CNTN4: variants seen among roughly 807,000 people sequenced by gnomAD.
The protein encoded by CNTN4 is contactin-4.
CNTN4 carries 77 observed loss-of-function variants against 122.5 expected under a neutral mutation model. The ratio of observed to expected loss-of-function variants is 0.63; its 90% CI spans 0.52 to 0.76. The LOEUF is 0.76. CNTN4 is among the 30% of genes least tolerant of loss of function. The pLI, the probability that CNTN4 is intolerant of heterozygous loss-of-function variation, is 0.00. For missense variants in CNTN4, 1,256 were observed against 1,259.1 expected (o/e 1.00, Z 0.04); for synonymous variants, 512 against 447.0 (o/e 1.15, Z -1.83).
chr3:2,819,635 C>A, intron 7 of CNTN4, 54 bp downstream of exon 7: 2 of 1,261,552 alleles, frequency 1.6e-6, no homozygotes, highest in Non-Finnish European at 2.3e-6. Flanking sequence ...ATTTTTCTTC[C>A]TCAATGTTCT....
intron 7 of CNTN4, among the ~76,000 whole-genome samples, chr3:2,858,188 T>C (rs574698449): frequency 6.6e-6 from 1 of 152,214 alleles, no homozygotes; most frequent in African/African-American, 2.4e-5. Context: ...TTTCTCAGAG[T>C]GTGGTCTTCA....
At chr3:2,829,711 C>G (rs981459200) in intron 7 of CNTN4, among the ~76,000 whole-genome samples, 67 of 152,192 alleles carry the variant, frequency 4.4e-4, no homozygotes, top group African/African-American at 1.6e-3. Context: ...ATGTCAACAA[C>G]TATACACTTA....
At chr3:2,136,775 C>G (rs1264384075) in intron 2 of CNTN4, among the ~76,000 whole-genome samples, 1 of 151,616 alleles carries the variant, frequency 6.6e-6, no homozygotes, top group African/African-American at 2.4e-5. Flanking sequence ...ATTACAGATA[C>G]CACTCAAAAG....
chr3:2,545,623 T>C (rs1309665993), intron 3 of CNTN4, among the ~76,000 whole-genome samples: 7 of 152,004 alleles, frequency 4.6e-5, no homozygotes, highest in Non-Finnish European at 8.8e-5. Context: ...ATGCCTTTTT[T>C]TTTTTTTATC....
chr3:2,148,617 C>T (rs1209146107), intron 2 of CNTN4, among the ~76,000 whole-genome samples: 1 of 152,012 alleles, frequency 6.6e-6, no homozygotes, highest in African/African-American at 2.4e-5. Flanking sequence ...TACACTGTTT[C>T]TTGGGCAGTG....
intron 4 of CNTN4, among the ~76,000 whole-genome samples, chr3:2,731,554 A>G (rs745386252): frequency 2.2e-4 from 33 of 152,262 alleles, no homozygotes; most frequent in Admixed American, 1.8e-3. Flanking sequence ...GCTCTTGGCA[A>G]TCTTACTGCT....
At chr3:2,267,872 C>A (rs2041116136) in intron 2 of CNTN4, among the ~76,000 whole-genome samples, 2 of 151,708 alleles carry the variant, frequency 1.3e-5, no homozygotes, top group South Asian at 4.2e-4. Context: ...TTATATGTAA[C>A]AGTCCTTAAA....
chr3:2,100,309 A>G (rs1453180986), intron 1 of CNTN4, among the ~76,000 whole-genome samples: 6 of 152,138 alleles, frequency 3.9e-5, no homozygotes, highest in African/African-American at 1.2e-4. Flanking sequence ...AGCTCTTTCA[A>G]TTTTCTGTAG....
intron 2 of CNTN4, among the ~76,000 whole-genome samples, chr3:2,289,258 C>T (rs1034379540): frequency 1.1e-4 from 17 of 152,092 alleles, no homozygotes; most frequent in African/African-American, 3.1e-4. Flanking sequence ...GAGACCAGGT[C>T]CCCTAAAACC....
intron 13 of CNTN4, among the ~76,000 whole-genome samples, chr3:2,952,638 CTA>C (rs1255429029): frequency 1.3e-5 from 2 of 152,010 alleles, no homozygotes; most frequent in Non-Finnish European, 2.9e-5. Flanking sequence ...CATTTTCATT[CTA>C]TGTTTTTATT....
chr3:2,953,436 T>G (rs1302600924), intron 13 of CNTN4, among the ~76,000 whole-genome samples: 1 of 152,014 alleles, frequency 6.6e-6, no homozygotes, highest in Non-Finnish European at 1.5e-5. Context: ...CCCCTGGTTT[T>G]TTTTTTTTCT....
chr3:2,809,637 C>G (rs1172913635), intron 6 of CNTN4, among the ~76,000 whole-genome samples: 1 of 152,164 alleles, frequency 6.6e-6, no homozygotes, highest in East Asian at 1.9e-4. Flanking sequence ...CATTAACACT[C>G]CTGAGTCAGG....
chr3:2,446,789 G>T (rs2048641897), intron 3 of CNTN4, among the ~76,000 whole-genome samples: 1 of 152,194 alleles, frequency 6.6e-6, no homozygotes, highest in African/African-American at 2.4e-5. Context: ...AAATGACAGT[G>T]CTAAATATGT....
intron 3 of CNTN4, among the ~76,000 whole-genome samples, chr3:2,341,652 G>A (rs1666325): frequency 0.36 from 54,757 of 152,098 alleles, 10,141 homozygotes; most frequent in African/African-American, 0.43. Context: ...CTCTACCACA[G>A]ATTGTAAAAG....
chr3:2,458,277 A>AT (rs1295060508), intron 3 of CNTN4, among the ~76,000 whole-genome samples: 1 of 152,156 alleles, frequency 6.6e-6, no homozygotes, highest in Non-Finnish European at 1.5e-5. Context: ...TTTTTATACC[A>AT]TTAGAAGTTA....
chr3:2,692,929 A>T (rs1023042862), intron 4 of CNTN4, among the ~76,000 whole-genome samples: 1 of 150,168 alleles, frequency 6.7e-6, no homozygotes, highest in Admixed American at 6.7e-5. Context: ...TTTTTATCAA[A>T]TTTTTTTCTA....
chr3:3,043,830 G>A lies in CNTN4; in HGVS notation c.2811+126G>A, dbSNP rs201097624. ...GATGCTCTCCTACCCTCTAGGAATC[G>A]CTGCCTCCAACACGGTTTGATCTGA... On this transcript the variant is annotated intron_variant, in intron 23 of 24. Coordinates refer to ENST00000418658, the MANE Select transcript of CNTN4 (RefSeq NM_175607.3). The A allele has an allele frequency of 3.1e-4, 224 of 722,290 alleles. 1 individual carries two copies. In the East Asian group the frequency reaches 5.6e-3, roughly 18 times the overall value. 44.7% of individuals were successfully genotyped at this position (722,290 alleles called of 1,614,324 possible). A position where few individuals can be genotyped will look rare whatever the true frequency, so the allele number is the denominator to read the frequency against.
At chr3:2,274,087 A>G (rs2041404170) in intron 2 of CNTN4, among the ~76,000 whole-genome samples, 1 of 152,132 alleles carries the variant, frequency 6.6e-6, no homozygotes, top group South Asian at 2.1e-4. Context: ...CTTCATCTAA[A>G]AATCAAGGAA....
At chr3:2,349,410 G>A (rs147702514) in intron 3 of CNTN4, among the ~76,000 whole-genome samples, 4 of 152,104 alleles carry the variant, frequency 2.6e-5, no homozygotes, top group Admixed American at 6.6e-5. Flanking sequence ...CCTTCTAATT[G>A]CACGTGAAAT....
Sources: allele counts gnomAD v4.1 joint callset (sites outside exome capture counted in the v4.1 genomes callset), GRCh38; gene constraint gnomAD v4.1.1; transcripts MANE v1.5; gene names NCBI Gene and HGNC (gene_info 2026-07-23, HGNC 2026-07-21).